ANKRD62: variants seen among roughly 807,000 people sequenced by gnomAD.
ANKRD62 encodes the protein ankyrin repeat domain-containing protein 62.
ANKRD62 carries 61 observed loss-of-function variants against 98.8 expected under a neutral mutation model. That is an observed-to-expected ratio of 0.62 (90% CI 0.50 to 0.76). ANKRD62 has a LOEUF of 0.76. Among genes scored for constraint, ANKRD62 ranks in the 30% least tolerant of loss-of-function variants. The pLI is 0.00. For synonymous variants in ANKRD62, 341 were observed against 367.9 expected (o/e 0.93, Z 0.84); for missense variants, 933 against 1,082.9 (o/e 0.86, Z 1.94).
At chr18:12,181,010 A>G in the ANKRD62 span, among the ~76,000 whole-genome samples, 63 of 148,252 alleles carry the variant, frequency 4.2e-4, no homozygotes, top group Middle Eastern at 7.2e-3. Flanking sequence ...TTATTGTTCA[A>G]TTCCCACCTA....
chr18:12,173,309 T>A, the ANKRD62 span, among the ~76,000 whole-genome samples: 2 of 152,258 alleles, frequency 1.3e-5, no homozygotes, highest in African/African-American at 4.8e-5. Flanking sequence ...AAACTCAGAT[T>A]GCAACCCTTG....
chr18:12,125,759 G>A lies in ANKRD62; in HGVS notation c.1938G>A (p.Met646Ile), dbSNP rs1352701022. 7.1e-6 allele frequency: 11 copies of A among 1,547,190 alleles called. No individual in the cohort carries two copies. The highest frequency in any genetic ancestry group is 8.7e-6 in the Non-Finnish European group (10 of 1,146,984). ...AGCTACAGAAGGAAAAACAAAGCAT[G>A]TCAAGACTGGAAACAGAAATGGAAT... is the stretch of plus-strand genomic sequence containing the variant. ...NSELQKEKQS[M>I]SRLETEMESY... Residue 646 changes from methionine (M) to isoleucine (I), a missense_variant, in exon 13 of 14, where the codon ATG becomes ATA. Physicochemically the swap from Met to Ile is conservative, Grantham distance 10 (BLOSUM62 1). Transcript: ENST00000587848.
chr18:12,125,860 C>A lies in ANKRD62; in HGVS notation c.2039C>A (p.Ala680Asp). 6.5e-7 allele frequency: 1 copy of A among 1,547,192 alleles called. No individual in the cohort carries two copies. Among genetic ancestry groups the A allele is most frequent in the Non-Finnish European group, 8.7e-7 (1 of 1,147,366 alleles). The change falls in exon 13 of 14, where the codon GCT becomes GAT. Residue 680 changes from alanine (A) to aspartate (D), a missense_variant. Ala to Asp is a moderately radical substitution (Grantham distance 126). Around this residue, in one of 3 missense-constraint regions of ANKRD62, gnomAD observed 362 missense variants for 434.5 expected, o/e 0.83. Coordinates refer to ENST00000587848, the MANE Select transcript of ANKRD62 (RefSeq NM_001277333.2). ...TCATCAAAAAGAGACCTACAGCTTG[C>A]TTTCCAGAGCACAGTGAATGAATGG... ...RQSSKRDLQL[A>D]FQSTVNEWCH...
At chr18:12,162,199 G>A in the ANKRD62 span, among the ~76,000 whole-genome samples, 1 of 151,880 alleles carries the variant, frequency 6.6e-6, no homozygotes, top group Non-Finnish European at 1.5e-5. Flanking sequence ...CCTGTTCTTT[G>A]GATAAAAGCC....
intron 10 of ANKRD62, among the ~76,000 whole-genome samples, chr18:12,121,208 G>T (rs1011902231): frequency 3.3e-5 from 5 of 152,228 alleles, no homozygotes; most frequent in African/African-American, 1.2e-4. Context: ...TTCACTTATT[G>T]TCTCGAGCTT....
chr18:12,136,732 T>C, the ANKRD62 span, among the ~76,000 whole-genome samples: 7 of 152,210 alleles, frequency 4.6e-5, no homozygotes, highest in Non-Finnish European at 8.8e-5. Flanking sequence ...AGCAGTGGTT[T>C]GTAGTTTGTT....
chr18:12,102,342 A>G, intron 6 of ANKRD62: 1 of 672,138 alleles, frequency 1.5e-6, no homozygotes, highest in South Asian at 1.5e-5. Flanking sequence ...CTCACTCCAC[A>G]CCATTCGGGG....
intron 6 of ANKRD62, chr18:12,102,547 C>T (rs1193468911): frequency 1.6e-5 from 5 of 320,870 alleles, no homozygotes; most frequent in South Asian, 7.5e-5. Context: ...AACATAAACT[C>T]GCTTTTGAAA....
At chr18:12,140,908 G>A in the ANKRD62 span, among the ~76,000 whole-genome samples, 1 of 152,248 alleles carries the variant, frequency 6.6e-6, no homozygotes, top group Non-Finnish European at 1.5e-5. Context: ...TAAGACTGCA[G>A]AGGTTATTGC....
At chr18:12,107,542 T>A in intron 8 of ANKRD62, 75 bp downstream of exon 8, 1 of 1,149,890 alleles carries the variant, frequency 8.7e-7, no homozygotes, top group Non-Finnish European at 1.1e-6. Context: ...TGGGTTAATA[T>A]GTACGATTAA....
chr18:12,106,342 G>A (rs1204269063), intron 7 of ANKRD62, among the ~76,000 whole-genome samples: 1 of 152,052 alleles, frequency 6.6e-6, no homozygotes, highest in Non-Finnish European at 1.5e-5. Context: ...TCGGTACATC[G>A]AGTTTTAAAG....
the ANKRD62 span, among the ~76,000 whole-genome samples, chr18:12,161,166 T>C: frequency 6.6e-6 from 1 of 152,190 alleles, no homozygotes; most frequent in African/African-American, 2.4e-5. Flanking sequence ...GATGCACTCA[T>C]GTTACCATCT....
Position 12,124,326 on chromosome 18 carries a change from T to G in ANKRD62, c.1638+6T>G, listed in dbSNP as rs1405949325. Reference sequence around the variant, plus strand: ...TAAGAAGTAACTCAAATCAGGTAAATTAATGTTTGGTAAAATTTTACATTT... The same window carrying G: ...TAAGAAGTAACTCAAATCAGGTAAAGTAATGTTTGGTAAAATTTTACATTT... On this transcript the variant is annotated splice_donor_region_variant and intron_variant, in intron 12 of 13. Transcript: ENST00000587848. 1.0e-6 allele frequency: 1 copy of G among 968,074 alleles called. No individual in the cohort carries two copies. The highest frequency in any genetic ancestry group is 1.4e-6 in the Non-Finnish European group (1 of 697,594). The allele number at this position is 968,074 out of a possible 1,614,324, so 60.0% of individuals were successfully genotyped here. A position where few individuals can be genotyped will look rare whatever the true frequency, so the allele number is the denominator to read the frequency against.
chr18:12,155,499 C>T, the ANKRD62 span, among the ~76,000 whole-genome samples: 1 of 152,198 alleles, frequency 6.6e-6, no homozygotes, highest in African/African-American at 2.4e-5. Flanking sequence ...CCATGGAGCA[C>T]ACATGAAGTT....
In ANKRD62 at chr18:12,127,859, G is replaced by A. The variant is rs957659933; in HGVS notation, c.2674G>A (p.Ala892Thr). ...ACGTCGTATTAATTTAGAAGATGAG[G>A]CACAAAGTTTAAAAAAGAAATTAGG... ...SERRINLEDE[A>T]QSLKKKLGQM... is the part of the protein sequence containing the mutation. The change falls in exon 14 of 14, where the codon GCA (alanine) becomes ACA (threonine). Residue 892 changes from alanine (A) to threonine (T), a missense_variant. Transcript: ENST00000587848. The A allele has an allele frequency of 3.3e-6, 5 of 1,524,100 alleles. No homozygotes were observed. In the African/African-American group the frequency reaches 5.5e-5, roughly 17 times the overall value. 94.4% of individuals were successfully genotyped at this position (1,524,100 alleles called of 1,614,324 possible).
chr18:12,168,564 A>G, the ANKRD62 span, among the ~76,000 whole-genome samples: 1 of 152,232 alleles, frequency 6.6e-6, no homozygotes, highest in African/African-American at 2.4e-5. Flanking sequence ...GAAGTCAGGT[A>G]GCATGATGCC....
chr18:12,161,669 C>T, the ANKRD62 span, among the ~76,000 whole-genome samples: 472 of 152,242 alleles, frequency 3.1e-3, 3 homozygotes, highest in African/African-American at 9.9e-3. Context: ...CCCATCTCCA[C>T]CTCCTTGCCA....
the ANKRD62 span, among the ~76,000 whole-genome samples, chr18:12,175,145 A>G: frequency 6.6e-6 from 1 of 152,182 alleles, no homozygotes; most frequent in Non-Finnish European, 1.5e-5. Flanking sequence ...ATGTGGTTGC[A>G]TTGGTGATGG....
At chr18:12,132,875 A>G (rs1468034594), downstream of ANKRD62, among the ~76,000 whole-genome samples, 1 of 152,164 alleles carries the variant, frequency 6.6e-6, no homozygotes, top group Non-Finnish European at 1.5e-5. Flanking sequence ...TCTGTTTAAA[A>G]TGCTCTAAAC....
Sources: allele counts gnomAD v4.1 joint callset (sites outside exome capture counted in the v4.1 genomes callset), GRCh38; gene constraint gnomAD v4.1.1; regional missense constraint gnomAD v4.1.1; transcripts MANE v1.5; gene names NCBI Gene and HGNC (gene_info 2026-07-23, HGNC 2026-07-21).